The following DNAH11 variants were observed in gnomAD, a reference collection of about 807,000 sequenced individuals.
DNAH11 encodes axonemal beta dynein heavy chain 11.
DNAH11 carries 442 observed loss-of-function variants against 526.0 expected under a neutral mutation model. The ratio of observed to expected loss-of-function variants is 0.84; its 90% CI spans 0.78 to 0.91. The LOEUF (loss-of-function observed/expected upper bound fraction) is 0.91. DNAH11 is among the 40% of genes least tolerant of loss of function. The probability of loss-of-function intolerance (pLI) is 0.00; values close to 1 mark genes in which losing one functional copy is unlikely to be tolerated. For missense variants in DNAH11, 6,989 were observed against 5,448.7 expected (o/e 1.28, Z -8.90); for synonymous variants, 2,461 against 1,935.9 (o/e 1.27, Z -7.12).
At chr7:21,776,650 T>C (rs1787682575) in intron 56 of DNAH11, among the ~76,000 whole-genome samples, 1 of 152,214 alleles carries the variant, frequency 6.6e-6, no homozygotes, top group African/African-American at 2.4e-5. Context: ...TTCCACGGCT[T>C]CAGTCACTTT....
At chr7:21,567,570 C>G (rs1046457868) in intron 6 of DNAH11, among the ~76,000 whole-genome samples, 2 of 152,202 alleles carry the variant, frequency 1.3e-5, no homozygotes, top group Admixed American at 6.5e-5. Context: ...TGCACCATCC[C>G]CACAGGCGCA....
chr7:21,858,241 A>C (rs1782928663), intron 68 of DNAH11, among the ~76,000 whole-genome samples: 1 of 152,206 alleles, frequency 6.6e-6, no homozygotes, highest in Admixed American at 6.5e-5. Flanking sequence ...CAAGTGTAGC[A>C]CAGATATGGT....
In DNAH11 at chr7:21,854,405, G is replaced by T. The variant is rs1390929813; in HGVS notation, c.11152G>T (p.Val3718Phe). Residue 3718 changes from valine to phenylalanine, a missense_variant, in exon 68 of 82, where the codon GTT becomes TTT. Physicochemically the swap from Val to Phe is conservative, Grantham distance 50. Transcript: ENST00000409508. The stretch of plus-strand genomic sequence containing the variant: ...AGCAAGAGCATCTCTTCTTTATTTT[G>T]TTATTAATGACCTCCAAAAAATCAA... ...VAARASLLYF[V>F]INDLQKINPL... 1.9e-6 allele frequency: 3 copies of T among 1,613,656 alleles called. No homozygotes were observed. Among genetic ancestry groups the T allele is most frequent in the Non-Finnish European group, 2.5e-6 (3 of 1,179,816 alleles).
intron 28 of DNAH11, among the ~76,000 whole-genome samples, chr7:21,649,671 T>C (rs78516652): frequency 2.0e-5 from 3 of 151,716 alleles, no homozygotes; most frequent in East Asian, 3.9e-4. Flanking sequence ...TTTTTTTTTT[T>C]TCTGTAGATG....
Position 21,702,713 on chromosome 7 carries a change from C to A in DNAH11, c.6184C>A (p.His2062Asn). ...AATAAACCTGTTTTGATTTTAGGAT[C>A]ATTACGACTGGGGACTTCGTGCTAT... ...LCKELLSKQD[H>N]YDWGLRAIKS... The change falls in exon 37 of 82, where the codon CAT (histidine) becomes AAT (asparagine). Residue 2062 changes from histidine (H) to asparagine (N), a missense_variant. His to Asn is a moderately conservative substitution (Grantham distance 68). Transcript: ENST00000409508. The A allele has an allele frequency of 6.2e-7, 1 of 1,613,178 alleles. No homozygotes were observed. The highest frequency in any genetic ancestry group is 1.1e-5 in the South Asian group (1 of 90,962).
chr7:21,608,157 A>T (rs1477064634), intron 20 of DNAH11, among the ~76,000 whole-genome samples: 2 of 152,038 alleles, frequency 1.3e-5, no homozygotes, highest in Non-Finnish European at 2.9e-5. Flanking sequence ...AACCCTGGAC[A>T]TGAAGATTGT....
At chr7:21,617,424 T>G (rs1785828595) in intron 22 of DNAH11, among the ~76,000 whole-genome samples, 195 bp from the exon 23 acceptor site, 1 of 152,238 alleles carries the variant, frequency 6.6e-6, no homozygotes, top group African/African-American at 2.4e-5. Flanking sequence ...AAGTGGCTTG[T>G]ACGGAGTGGG....
At chr7:21,723,881 G>A (rs941391211) in intron 44 of DNAH11, among the ~76,000 whole-genome samples, 1 of 151,992 alleles carries the variant, frequency 6.6e-6, no homozygotes, top group Non-Finnish European at 1.5e-5. Flanking sequence ...AATTAAAATA[G>A]GTTGCCTCTG....
chr7:21,774,040 G>A, intron 56 of DNAH11, 41 bp downstream of exon 56: 1 of 1,435,506 alleles, frequency 7.0e-7, no homozygotes, highest in Non-Finnish European at 9.3e-7. Flanking sequence ...TATTTATGCT[G>A]TTTAACAGAA....
At chr7:21,600,471 C>T (rs1318960763) in intron 15 of DNAH11, among the ~76,000 whole-genome samples, 1 of 151,716 alleles carries the variant, frequency 6.6e-6, no homozygotes, top group Non-Finnish European at 1.5e-5. Context: ...AAAAACAAAA[C>T]ACAAAAAACC....
At chr7:21,662,413 A>G (rs975635991) in intron 30 of DNAH11, among the ~76,000 whole-genome samples, 7 of 152,266 alleles carry the variant, frequency 4.6e-5, no homozygotes, top group South Asian at 2.1e-4. Flanking sequence ...TTTTGTGTCT[A>G]TGAATCATTT....
chr7:21,594,351 G>A (rs1461379185), intron 14 of DNAH11, among the ~76,000 whole-genome samples: 3 of 152,156 alleles, frequency 2.0e-5, no homozygotes, highest in Non-Finnish European at 4.4e-5. Flanking sequence ...TTTATTGTGA[G>A]CATTGTGTGT....
intron 32 of DNAH11, among the ~76,000 whole-genome samples, chr7:21,685,960 A>C (rs1311031609): frequency 1.3e-5 from 2 of 152,198 alleles, no homozygotes; most frequent in African/African-American, 4.8e-5. Flanking sequence ...GTCTCTAAAC[A>C]CTGGCAGCCA....
At chr7:21,780,701 G>T (rs968533280) in intron 57 of DNAH11, among the ~76,000 whole-genome samples, 1 of 152,100 alleles carries the variant, frequency 6.6e-6, no homozygotes, top group Non-Finnish European at 1.5e-5. Context: ...CAAACACAAA[G>T]AAGGGACATA....
chr7:21,841,415 T>G (rs2128015872), intron 65 of DNAH11, among the ~76,000 whole-genome samples: 1 of 152,296 alleles, frequency 6.6e-6, no homozygotes, highest in Middle Eastern at 3.4e-3. Context: ...ATAACATACT[T>G]TCATGCTAAT....
At position 21,702,694 on chromosome 7, in the gene DNAH11, C is replaced by G; in HGVS notation, c.6181-16C>G. On this transcript the variant is annotated splice_polypyrimidine_tract_variant and intron_variant, in intron 36 of 81. Transcript: ENST00000409508. ...CTCATACAATTTTTGAGAAAATAAA[C>G]CTGTTTTGATTTTAGGATCATTACG... 6.2e-7 allele frequency: 1 copy of G among 1,608,948 alleles called. No homozygotes were observed. Among genetic ancestry groups the G allele is most frequent in the Non-Finnish European group, 8.5e-7 (1 of 1,176,256 alleles).
At chr7:21,626,783 A>G (rs1233838920) in intron 25 of DNAH11, among the ~76,000 whole-genome samples, 1 of 115,168 alleles carries the variant, frequency 8.7e-6, no homozygotes. Flanking sequence ...GCGGAGTCTC[A>G]TCTGTCACCC....
intron 65 of DNAH11, among the ~76,000 whole-genome samples, chr7:21,829,454 T>A (rs1790452943): frequency 6.6e-6 from 1 of 152,204 alleles, no homozygotes; most frequent in African/African-American, 2.4e-5. Context: ...TTTGCAAATC[T>A]TTTGAAAAGA....
intron 8 of DNAH11, 99 bp downstream of exon 8, chr7:21,572,072 A>T: frequency 1.8e-6 from 2 of 1,086,552 alleles, no homozygotes; most frequent in African/African-American, 3.3e-5. Flanking sequence ...ATCCATTCCA[A>T]TATCTCTAGG....
Sources: allele counts gnomAD v4.1 joint callset (sites outside exome capture counted in the v4.1 genomes callset), GRCh38; gene constraint gnomAD v4.1.1; transcripts MANE v1.5; gene names NCBI Gene and HGNC (gene_info 2026-07-23, HGNC 2026-07-21).